The following FMN1 variants were observed in gnomAD, a reference collection of about 807,000 sequenced individuals.
FMN1 encodes the protein formin 1, also known as formin-1.
In FMN1, 110 loss-of-function variants were observed where a neutral mutation model predicts 132.4. The ratio of observed to expected loss-of-function variants is 0.83; its 90% CI spans 0.71 to 0.97. FMN1 has a LOEUF of 0.97. FMN1 is among the 50% of genes least tolerant of loss of function. FMN1 has a pLI of 0.00. For synonymous variants in FMN1, 722 were observed against 651.7 expected (o/e 1.11, Z -1.64); for missense variants, 1,792 against 1,705.3 (o/e 1.05, Z -0.90).
intron 7 of FMN1, 93 bp downstream of exon 7, chr15:33,007,921 A>AC: frequency 9.2e-7 from 1 of 1,087,296 alleles, no homozygotes; most frequent in Middle Eastern, 2.0e-4. Flanking sequence ...GTCTAGTTTA[A>AC]CACTTCAACT....
In FMN1 at chr15:32,900,104, C is replaced by T. The variant is rs771076405; in HGVS notation, c.3529G>A (p.Val1177Met). ...ASKDLLHVKS[V>M]KDILALILAF... is the part of the protein sequence containing the mutation. ...AAGATGAGAGCTAAAATATCCTTCA[C>T]GCTCTTCACGTGCAGCAAGTCCTGT... The change falls in exon 14 of 21, where the codon GTG becomes ATG. Residue 1177 changes from valine (V) to methionine (M), a missense_variant. Physicochemically the swap from Val to Met is conservative, Grantham distance 21. Transcript: ENST00000616417. The T allele has an allele frequency of 1.1e-5, 18 of 1,613,790 alleles. No homozygotes were observed. Among genetic ancestry groups the T allele is most frequent in the African/African-American group, 8.0e-5 (6 of 75,030 alleles).
intron 4 of FMN1, among the ~76,000 whole-genome samples, chr15:33,137,778 C>T (rs1963835759): frequency 6.6e-6 from 1 of 152,288 alleles, no homozygotes; most frequent in Non-Finnish European, 1.5e-5. Context: ...AAGAACCCAC[C>T]ACCATACAGC....
chr15:33,104,547 C>A (rs1161752811), intron 4 of FMN1, among the ~76,000 whole-genome samples: 3 of 151,986 alleles, frequency 2.0e-5, no homozygotes, highest in Non-Finnish European at 4.4e-5. Context: ...TCACTCAGCA[C>A]AACTGAAACA....
At chr15:33,128,067 A>G (rs1963279341) in intron 4 of FMN1, among the ~76,000 whole-genome samples, 2 of 152,168 alleles carry the variant, frequency 1.3e-5, no homozygotes, top group African/African-American at 4.8e-5. Context: ...GAAAGGACAA[A>G]AAAGATGGGA....
At chr15:33,145,239 C>T (rs1028751412) in intron 4 of FMN1, among the ~76,000 whole-genome samples, 1 of 151,962 alleles carries the variant, frequency 6.6e-6, no homozygotes, top group Non-Finnish European at 1.5e-5. Flanking sequence ...GTCAAAGGTG[C>T]CAGATGTGTT....
In FMN1 at chr15:32,795,508, T is replaced by C. The variant is rs144798900; in HGVS notation, c.4130+3296A>G. ...TCACCATTTAATTCCTGCTTCATCC[T>C]GATACATACATTTTACAGATGTGAC... is the stretch of plus-strand genomic sequence containing the variant. On this transcript the variant is annotated intron_variant, in intron 19 of 20. Coordinates refer to ENST00000616417, the MANE Select transcript of FMN1 (RefSeq NM_001277313.2). 2.0e-5 allele frequency among the ~76,000 whole-genome samples: 3 copies of C among 151,458 alleles called. No homozygotes were observed. The East Asian group carries it at 5.8e-4, about 29-fold the overall frequency.
At chr15:33,121,128 A>AT (rs11395582) in intron 4 of FMN1, among the ~76,000 whole-genome samples, 52,914 of 152,052 alleles carry the variant, frequency 0.35, 10,610 homozygotes, top group Non-Finnish European at 0.43. Flanking sequence ...ACAATACCCC[A>AT]TCTATGATTT....
At chr15:33,125,611 G>A (rs1032987971) in intron 4 of FMN1, among the ~76,000 whole-genome samples, 6 of 152,028 alleles carry the variant, frequency 3.9e-5, no homozygotes, top group Non-Finnish European at 7.4e-5. Context: ...AGGCCAAGGC[G>A]GGCAGATCAC....
At position 33,045,106 on chromosome 15, in the gene FMN1, A is replaced by T. The variant is rs547597454; in HGVS notation, c.2161+19851T>A. Among the ~76,000 whole-genome samples the T allele has an allele frequency of 4.6e-5, 7 of 152,332 alleles. No individual in the cohort carries two copies. In the East Asian group the frequency reaches 1.2e-3, roughly 25 times the overall value. On this transcript the variant is annotated intron_variant, in intron 6 of 20. Transcript: ENST00000616417. ...GGCTCTGCAGTTTCTGGCTTCTCCC[A>T]AGATTCCAGGTGCCACCGCATTCCC...
chr15:33,005,408 A>T (rs1947802), intron 7 of FMN1, among the ~76,000 whole-genome samples: 2 of 152,202 alleles, frequency 1.3e-5, no homozygotes, highest in South Asian at 4.1e-4. Flanking sequence ...GAACATTTTT[A>T]ATCTTTACTA....
chr15:32,878,217 A>T (rs769560482), intron 16 of FMN1, among the ~76,000 whole-genome samples: 8 of 152,192 alleles, frequency 5.3e-5, no homozygotes, highest in Non-Finnish European at 1.0e-4. Context: ...GTTGGAACAC[A>T]AAGAAGGCCC....
intron 6 of FMN1, among the ~76,000 whole-genome samples, chr15:33,035,955 G>A (rs2036172601): frequency 6.6e-6 from 1 of 152,104 alleles, no homozygotes; most frequent in Non-Finnish European, 1.5e-5. Context: ...TATAAGAAGA[G>A]GAAGAGAGAC....
At chr15:33,071,128 T>G (rs1170785791) in intron 5 of FMN1, among the ~76,000 whole-genome samples, 1 of 152,122 alleles carries the variant, frequency 6.6e-6, no homozygotes, top group Admixed American at 6.5e-5. Flanking sequence ...TCCTCTTAAA[T>G]GACACAGAAG....
chr15:33,153,450 T>TA lies in FMN1; in HGVS notation c.1464dup (p.Lys489Ter). ...GGTGCTGGTGGGGATGGCTTCTTCT[T>TA]ATCACCTCTGGGTTGTGAGGAGTCA... On this transcript the variant is annotated frameshift_variant, in exon 4 of 21. Coordinates refer to ENST00000616417, the MANE Select transcript of FMN1 (RefSeq NM_001277313.2). LOFTEE classifies it high-confidence loss of function. 6.5e-7 allele frequency: 1 copy of TA among 1,536,730 alleles called. No homozygotes were observed. Among genetic ancestry groups the TA allele is most frequent in the Non-Finnish European group, 8.7e-7 (1 of 1,147,008 alleles).
intron 16 of FMN1, among the ~76,000 whole-genome samples, chr15:32,865,973 T>G (rs2059383370): frequency 6.6e-6 from 1 of 152,172 alleles, no homozygotes; most frequent in Admixed American, 6.5e-5. Context: ...CGCACATTCT[T>G]AATTGTGGCA....
chr15:32,974,071 G>A (rs2032007081), intron 7 of FMN1, among the ~76,000 whole-genome samples: 1 of 152,142 alleles, frequency 6.6e-6, no homozygotes, highest in Admixed American at 6.5e-5. Flanking sequence ...TACAGATAAT[G>A]CCAGGTCAAG....
intron 9 of FMN1, among the ~76,000 whole-genome samples, chr15:32,931,544 T>G (rs1228988795): frequency 1.3e-5 from 2 of 152,230 alleles, no homozygotes; most frequent in African/African-American, 4.8e-5. Flanking sequence ...GTTTGTTGAT[T>G]TGGAATCCTG....
chr15:32,843,907 A>G (rs1490410143), intron 17 of FMN1, among the ~76,000 whole-genome samples: 1 of 152,226 alleles, frequency 6.6e-6, no homozygotes, highest in African/African-American at 2.4e-5. Context: ...CTTAACGAGA[A>G]GACCAGTTTA....
intron 2 of FMN1, among the ~76,000 whole-genome samples, chr15:33,182,319 G>C (rs1427759354): frequency 6.6e-6 from 1 of 152,120 alleles, no homozygotes; most frequent in African/African-American, 2.4e-5. Context: ...ATAAAGCAGG[G>C]ATAATGAAAA....
Sources: gnomAD v4.1 joint callset for allele counts (sites outside exome capture counted in the v4.1 genomes callset) on GRCh38, gnomAD v4.1.1 for gene constraint, MANE v1.5 for transcripts, NCBI Gene and HGNC (gene_info 2026-07-23, HGNC 2026-07-21) for gene names.